APBA2: variants seen among roughly 807,000 people sequenced by gnomAD.
APBA2 encodes the protein amyloid-beta A4 precursor protein-binding family A member 2.
Under a neutral mutation model 75.0 loss-of-function variants are expected in APBA2, and 30 were observed. That is an observed-to-expected ratio of 0.40 (90% CI 0.30 to 0.54). The LOEUF (loss-of-function observed/expected upper bound fraction) is 0.54. APBA2 is among the 20% of genes least tolerant of loss of function. The pLI is 0.49. For synonymous variants in APBA2, 444 were observed against 409.6 expected (o/e 1.08, Z -1.01); for missense variants, 801 against 1,016.1 (o/e 0.79, Z 2.88).
At chr15:28,916,280 C>T (rs2033687456) in intron 1 of APBA2, among the ~76,000 whole-genome samples, 8 of 152,180 alleles carry the variant, frequency 5.3e-5, no homozygotes, top group African/African-American at 1.7e-4. Flanking sequence ...CCCAGAGTGG[C>T]GGCCCGTTTG....
intron 10 of APBA2, among the ~76,000 whole-genome samples, chr15:29,104,914 A>G (rs190088467): frequency 4.6e-5 from 7 of 152,252 alleles, no homozygotes; most frequent in African/African-American, 1.4e-4. Flanking sequence ...CAAGACCCCT[A>G]TCTCTACAAG....
At chr15:28,931,849 G>C (rs1187345004) in intron 2 of APBA2, among the ~76,000 whole-genome samples, 1 of 152,184 alleles carries the variant, frequency 6.6e-6, no homozygotes, top group Non-Finnish European at 1.5e-5. Context: ...TAAGTCTTTG[G>C]AAATAATTGC....
chr15:29,053,794 C>A, intron 3 of APBA2, 51 bp from the exon 4 acceptor site: 3 of 1,208,820 alleles, frequency 2.5e-6, no homozygotes, highest in Non-Finnish European at 2.3e-6. Context: ...CCACACATGG[C>A]TGGGCTTTGT....
At chr15:28,969,284 G>A (rs1231765751) in intron 2 of APBA2, among the ~76,000 whole-genome samples, 3 of 151,802 alleles carry the variant, frequency 2.0e-5, no homozygotes, top group Non-Finnish European at 4.4e-5. Flanking sequence ...GGGCTCAAGC[G>A]ATTCTCCTGC....
intron 6 of APBA2, among the ~76,000 whole-genome samples, chr15:29,090,730 C>T (rs993197054): frequency 5.9e-5 from 9 of 152,180 alleles, no homozygotes; most frequent in African/African-American, 2.2e-4. Context: ...AGAGCCACTG[C>T]ATTGGGCCCC....
At chr15:28,932,495 G>A (rs2034616304) in intron 2 of APBA2, among the ~76,000 whole-genome samples, 1 of 152,202 alleles carries the variant, frequency 6.6e-6, no homozygotes, top group Admixed American at 6.5e-5. Flanking sequence ...CTTCTGCCAT[G>A]CTTTTTATCC....
At chr15:28,997,694 T>C (rs2038605840) in intron 3 of APBA2, among the ~76,000 whole-genome samples, 1 of 152,210 alleles carries the variant, frequency 6.6e-6, no homozygotes, top group African/African-American at 2.4e-5. Context: ...GTCATTACAT[T>C]CTGTTAGAGT....
At chr15:28,890,042 C>G (rs145213270) in intron 1 of APBA2, among the ~76,000 whole-genome samples, 1 of 150,432 alleles carries the variant, frequency 6.6e-6, no homozygotes, top group Non-Finnish European at 1.5e-5. Flanking sequence ...AGTGAGTGAA[C>G]GAAACACGGG....
chr15:29,067,960 A>G (rs1234996849), intron 4 of APBA2, among the ~76,000 whole-genome samples: 1 of 152,344 alleles, frequency 6.6e-6, no homozygotes, highest in African/African-American at 2.4e-5. Flanking sequence ...TACATAAATT[A>G]GTGGAAGTTA....
At chr15:28,945,270 A>G (rs2035480113) in intron 2 of APBA2, among the ~76,000 whole-genome samples, 1 of 150,664 alleles carries the variant, frequency 6.6e-6, no homozygotes, top group Non-Finnish European at 1.5e-5. Flanking sequence ...ATGTAAGTCA[A>G]AACTCAGGAC....
rs757402880 is a variant in APBA2 at position 29,053,186 on chromosome 15, C to CCT, written c.-40-656_-40-655dup. On this transcript the variant is annotated intron_variant, in intron 3 of 14. Coordinates refer to ENST00000683413, the MANE Select transcript of APBA2 (RefSeq NM_001353788.2). ...TGCAGGCTGCGGCTGCACCCTTTGT[C>CCT]CTCTTCTCCCCATGGCCGAGCAGTG... Among the ~76,000 whole-genome samples, 11 of 152,314 alleles carry CCT rather than the reference C, an allele frequency of 7.2e-5. No individual in the cohort carries two copies. The East Asian group carries it at 1.9e-3, about 27-fold the overall frequency.
At chr15:29,036,387 G>A (rs1266853223) in intron 3 of APBA2, among the ~76,000 whole-genome samples, 2 of 152,178 alleles carry the variant, frequency 1.3e-5, no homozygotes, top group African/African-American at 4.8e-5. Flanking sequence ...GGGTGCTTCA[G>A]CAGAGATGCT....
At chr15:28,933,843 T>C (rs533197732) in intron 2 of APBA2, among the ~76,000 whole-genome samples, 62 of 152,174 alleles carry the variant, frequency 4.1e-4, no homozygotes, top group African/African-American at 1.1e-3. Flanking sequence ...GAGTCCACTA[T>C]CTGGGGTTTG....
At chr15:28,954,453 C>G (rs1044686656) in intron 2 of APBA2, among the ~76,000 whole-genome samples, 1 of 152,188 alleles carries the variant, frequency 6.6e-6, no homozygotes, top group Admixed American at 6.5e-5. Flanking sequence ...TCACCTTCTT[C>G]GTGTTGGTTC....
At chr15:28,905,075 C>T (rs1051162833) in intron 1 of APBA2, among the ~76,000 whole-genome samples, 8 of 152,176 alleles carry the variant, frequency 5.3e-5, no homozygotes, top group African/African-American at 1.2e-4. Context: ...GTTCCTCAAC[C>T]GCCTGGGACT....
chr15:28,959,784 C>T (rs1201268748), intron 2 of APBA2, among the ~76,000 whole-genome samples: 1 of 152,168 alleles, frequency 6.6e-6, no homozygotes, highest in Non-Finnish European at 1.5e-5. Flanking sequence ...AACTAGGCAG[C>T]ACCTGCCCTT....
intron 8 of APBA2, among the ~76,000 whole-genome samples, chr15:29,096,658 A>G (rs2043863551): frequency 6.6e-6 from 1 of 152,256 alleles, no homozygotes; most frequent in Non-Finnish European, 1.5e-5. Flanking sequence ...TTGAGCTAAA[A>G]TACACATTTA....
At chr15:29,100,369 G>C (rs79605598) in intron 9 of APBA2, among the ~76,000 whole-genome samples, 4,160 of 152,344 alleles carry the variant, frequency 0.027, 144 homozygotes, top group African/African-American at 0.076. Context: ...GAAGCAGCAT[G>C]CACTGCAAAG....
At chr15:28,890,129 T>C (rs2152604496) in intron 1 of APBA2, among the ~76,000 whole-genome samples, 1 of 152,300 alleles carries the variant, frequency 6.6e-6, no homozygotes, top group African/African-American at 2.4e-5. Context: ...AACCTAGCTG[T>C]GTTCACATTT....
Sources: gnomAD v4.1 joint callset for allele counts (sites outside exome capture counted in the v4.1 genomes callset) on GRCh38, gnomAD v4.1.1 for gene constraint, MANE v1.5 for transcripts, NCBI Gene and HGNC (gene_info 2026-07-23, HGNC 2026-07-21) for gene names.